The following TCF7L2 variants were observed in gnomAD, a reference collection of about 807,000 sequenced individuals.
TCF7L2 encodes the protein transcription factor 7-like 2.
Under a neutral mutation model 77.9 loss-of-function variants are expected in TCF7L2, and 23 were observed. That is an observed-to-expected ratio of 0.30 (90% CI 0.21 to 0.42). TCF7L2 has a LOEUF of 0.42. TCF7L2 is among the 10% of genes least tolerant of loss of function. TCF7L2 has a pLI of 1.00. For missense variants in TCF7L2, 654 were observed against 793.1 expected, an observed-to-expected ratio of 0.82 and a Z score of 2.11; for synonymous variants, 413 against 340.2, an observed-to-expected ratio of 1.21 and a Z score of -2.36.
intron 4 of TCF7L2, among the ~76,000 whole-genome samples, chr10:112,992,582 A>C (rs1452913551): frequency 2.6e-5 from 4 of 151,804 alleles, no homozygotes; most frequent in Non-Finnish European, 5.9e-5. Context: ...TATCTTTACC[A>C]AGTGCCCGGA....
chr10:113,013,765 G>C (rs2046856813), intron 4 of TCF7L2, among the ~76,000 whole-genome samples: 1 of 152,148 alleles, frequency 6.6e-6, no homozygotes, highest in African/African-American at 2.4e-5. Flanking sequence ...ACGGACCACT[G>C]GATCCATTTG....
At chr10:113,162,562 G>A (rs2073341165) in intron 13 of TCF7L2, among the ~76,000 whole-genome samples, 1 of 152,102 alleles carries the variant, frequency 6.6e-6, no homozygotes, top group South Asian at 2.1e-4. Context: ...GAGCAGCATG[G>A]TTTTCTAAAA....
chr10:113,064,982 T>G (rs535233491), intron 5 of TCF7L2, among the ~76,000 whole-genome samples: 1 of 152,352 alleles, frequency 6.6e-6, no homozygotes, highest in Admixed American at 6.5e-5. Flanking sequence ...CCTTCATATT[T>G]CCATGCATAT....
At chr10:112,979,606 A>G (rs1041794941) in intron 4 of TCF7L2, among the ~76,000 whole-genome samples, 1 of 151,964 alleles carries the variant, frequency 6.6e-6, no homozygotes, top group African/African-American at 2.4e-5. Context: ...AAAATACAAA[A>G]AATTAGGTGG....
At chr10:113,031,731 C>T (rs12260037) in intron 4 of TCF7L2, among the ~76,000 whole-genome samples, 39,320 of 151,972 alleles carry the variant, frequency 0.26, 5,416 homozygotes, top group Middle Eastern at 0.33. Flanking sequence ...CAAAGTGATC[C>T]GCCCACCTCT....
intron 12 of TCF7L2, 151 bp downstream of exon 13, chr10:113,158,868 T>G: frequency 1.3e-6 from 1 of 762,874 alleles, no homozygotes. Context: ...TCAGTAGATT[T>G]TTTTTTTCAG....
chr10:112,988,855 A>G (rs1042102285), intron 4 of TCF7L2, among the ~76,000 whole-genome samples: 3 of 152,194 alleles, frequency 2.0e-5, no homozygotes, highest in African/African-American at 7.2e-5. Flanking sequence ...TTCTCTATAT[A>G]TGGACATTAT....
At chr10:112,957,779 G>T (rs1163043583) in intron 3 of TCF7L2, among the ~76,000 whole-genome samples, 1 of 152,174 alleles carries the variant, frequency 6.6e-6, no homozygotes, top group Non-Finnish European at 1.5e-5. Flanking sequence ...TGAGGGTGAG[G>T]CATTATCTGT....
intron 5 of TCF7L2, among the ~76,000 whole-genome samples, chr10:113,079,368 A>G (rs1345038230): frequency 6.6e-6 from 1 of 152,218 alleles, no homozygotes; most frequent in African/African-American, 2.4e-5. Flanking sequence ...TGCTCTGCTC[A>G]GGAGATCCAG....
chr10:113,068,244 C>T (rs1220946134), intron 5 of TCF7L2, among the ~76,000 whole-genome samples: 1 of 152,198 alleles, frequency 6.6e-6, no homozygotes, highest in Non-Finnish European at 1.5e-5. Context: ...AGTGCTATGA[C>T]TGGACAAAAT....
chr10:113,049,241 G>A (rs946640439), intron 5 of TCF7L2, among the ~76,000 whole-genome samples: 2 of 151,828 alleles, frequency 1.3e-5, no homozygotes, highest in African/African-American at 4.8e-5. Flanking sequence ...CCATTTGAAT[G>A]CCAAATAGAC....
chr10:113,053,676 C>T (rs1479197579), intron 5 of TCF7L2, among the ~76,000 whole-genome samples: 2 of 152,204 alleles, frequency 1.3e-5, no homozygotes, highest in African/African-American at 4.8e-5. Flanking sequence ...TTGATCGTTA[C>T]AGAACTGATG....
intron 5 of TCF7L2, among the ~76,000 whole-genome samples, chr10:113,088,027 T>C (rs1407895615): frequency 2.6e-5 from 4 of 152,232 alleles, no homozygotes; most frequent in African/African-American, 9.6e-5. Context: ...ATGTTGGTGT[T>C]ATCCTCAATC....
chr10:113,114,105 T>G (rs1490561767), intron 5 of TCF7L2, among the ~76,000 whole-genome samples: 1 of 152,218 alleles, frequency 6.6e-6, no homozygotes, highest in South Asian at 2.1e-4. Flanking sequence ...ACATCTTATT[T>G]ACTGACAATA....
At chr10:113,162,734 CTT>C (rs1248711153) in intron 13 of TCF7L2, among the ~76,000 whole-genome samples, 1 of 152,180 alleles carries the variant, frequency 6.6e-6, no homozygotes, top group Non-Finnish European at 1.5e-5. Flanking sequence ...TTGTTGGTGA[CTT>C]TTCCATACCA....
intron 5 of TCF7L2, among the ~76,000 whole-genome samples, chr10:113,086,508 G>A (rs900970180): frequency 1.3e-5 from 2 of 152,176 alleles, no homozygotes; most frequent in African/African-American, 4.8e-5. Context: ...TGCATCTATG[G>A]GAAGGGCTTG....
At chr10:113,040,714 T>A (rs541860978) in intron 5 of TCF7L2, among the ~76,000 whole-genome samples, 1 of 152,294 alleles carries the variant, frequency 6.6e-6, no homozygotes, top group Admixed American at 6.5e-5. Context: ...AGAGAAAGCA[T>A]TTGTTTTTAG....
intron 4 of TCF7L2, among the ~76,000 whole-genome samples, chr10:112,991,336 TGG>T (rs1201088596): frequency 2.0e-5 from 3 of 151,918 alleles, no homozygotes; most frequent in African/African-American, 7.3e-5. Flanking sequence ...GAAACCATCC[TGG>T]CTAACACGAT....
At chr10:113,035,320 C>T (rs1406885306) in intron 4 of TCF7L2, among the ~76,000 whole-genome samples, 2 of 152,228 alleles carry the variant, frequency 1.3e-5, no homozygotes, top group Non-Finnish European at 2.9e-5. Context: ...GGCACCCTCG[C>T]CCATCTGACA....
Sources: gnomAD v4.1 joint callset for allele counts (sites outside exome capture counted in the v4.1 genomes callset) on GRCh38, gnomAD v4.1.1 for gene constraint, MANE v1.5 for transcripts, NCBI Gene and HGNC (gene_info 2026-07-23, HGNC 2026-07-21) for gene names.